Variants in FGGY observed in about 807,000 individuals in gnomAD.
FGGY encodes the protein FGGY carbohydrate kinase domain-containing protein.
In FGGY, 72 loss-of-function variants were observed where a neutral mutation model predicts 71.3. The ratio of observed to expected loss-of-function variants is 1.01; its 90% CI spans 0.84 to 1.23. The LOEUF (loss-of-function observed/expected upper bound fraction) is 1.23, where lower values mean the gene tolerates loss of function less well. Among genes scored for constraint, FGGY ranks in the 50% most tolerant of loss-of-function variants. The pLI is 0.00. For synonymous variants in FGGY, 251 were observed against 250.3 expected (o/e 1.00, Z -0.02); for missense variants, 668 against 682.3 (o/e 0.98, Z 0.23).
At chr1:59,300,505 A>G (rs1395601221) in intron 1 of FGGY, among the ~76,000 whole-genome samples, 2 of 152,202 alleles carry the variant, frequency 1.3e-5, no homozygotes, top group Non-Finnish European at 2.9e-5. Context: ...GGTTAAATAA[A>G]TGTTACCAAT....
At chr1:59,517,990 G>A (rs2094712732) in intron 7 of FGGY, among the ~76,000 whole-genome samples, 1 of 152,192 alleles carries the variant, frequency 6.6e-6, no homozygotes, top group Non-Finnish European at 1.5e-5. Context: ...ACATTACCAA[G>A]TTTCGGCCAA....
At chr1:59,601,455 A>G (rs80041548) in intron 8 of FGGY, among the ~76,000 whole-genome samples, 2,261 of 152,304 alleles carry the variant, frequency 0.015, 63 homozygotes, top group African/African-American at 0.053. Flanking sequence ...AGACAAAAAG[A>G]GAGGCAGGAG....
chr1:59,435,805 C>T (rs1232734029), intron 5 of FGGY, among the ~76,000 whole-genome samples: 1 of 150,456 alleles, frequency 6.6e-6, no homozygotes, highest in Admixed American at 6.6e-5. Flanking sequence ...GATGCCTCCA[C>T]TTGACTGTAA....
chr1:59,592,731 A>G (rs929573083), intron 8 of FGGY, among the ~76,000 whole-genome samples: 3 of 149,632 alleles, frequency 2.0e-5, no homozygotes, highest in African/African-American at 7.5e-5. Context: ...TGGGAATTGA[A>G]CAATGAGAAT....
chr1:59,661,318 A>G (rs1442793306), intron 12 of FGGY, among the ~76,000 whole-genome samples: 2 of 152,206 alleles, frequency 1.3e-5, no homozygotes, highest in African/African-American at 4.8e-5. Context: ...TAAAGAATGG[A>G]ACCTCCCAGA....
intron 7 of FGGY, among the ~76,000 whole-genome samples, chr1:59,530,737 C>T (rs1021942091): frequency 6.6e-6 from 1 of 152,070 alleles, no homozygotes; most frequent in African/African-American, 2.4e-5. Context: ...CATGAGGGTA[C>T]CCCTTTGGCT....
chr1:59,311,348 G>A (rs2044286119), intron 1 of FGGY, among the ~76,000 whole-genome samples: 1 of 151,832 alleles, frequency 6.6e-6, no homozygotes, highest in African/African-American at 2.4e-5. Context: ...GTGCCATGGT[G>A]ATTTACTGCA....
chr1:59,639,957 G>C (rs553178120), intron 11 of FGGY, among the ~76,000 whole-genome samples: 1 of 152,292 alleles, frequency 6.6e-6, no homozygotes, highest in South Asian at 2.1e-4. Context: ...CCCAAATGCA[G>C]AATGAAATTC....
intron 11 of FGGY, among the ~76,000 whole-genome samples, chr1:59,651,758 A>T (rs1235482287): frequency 1.3e-5 from 2 of 149,736 alleles, no homozygotes; most frequent in Non-Finnish European, 3.0e-5. Context: ...TTACATTTAA[A>T]CTTAATATTG....
intron 13 of FGGY, among the ~76,000 whole-genome samples, chr1:59,668,963 C>A (rs969163716): frequency 6.7e-6 from 1 of 148,318 alleles, no homozygotes; most frequent in African/African-American, 2.5e-5. Flanking sequence ...TGCACTCCAG[C>A]CTGGGCAACA....
intron 3 of FGGY, among the ~76,000 whole-genome samples, chr1:59,342,498 A>C (rs1192379539): frequency 6.6e-6 from 1 of 152,182 alleles, no homozygotes; most frequent in Non-Finnish European, 1.5e-5. Flanking sequence ...ACTTTATTCC[A>C]CCTAAAAGGT....
rs1031475766 is a variant in FGGY at position 59,691,245 on chromosome 1, T to G, written c.1512+17112T>G. 6.6e-5 allele frequency among the ~76,000 whole-genome samples: 10 copies of G among 152,200 alleles called. No individual in the cohort carries two copies. The East Asian group carries it at 9.6e-4, about 15-fold the overall frequency. ...ATATTATAATGTTTAATAATGATAC[T>G]TAATAATTCAATAATAAAGTAACTT... On this transcript the variant is annotated intron_variant, in intron 14 of 15. Coordinates refer to ENST00000303721, the MANE Select transcript of FGGY (RefSeq NM_018291.5).
chr1:59,390,107 C>A (rs1369719050), intron 5 of FGGY, among the ~76,000 whole-genome samples: 1 of 152,190 alleles, frequency 6.6e-6, no homozygotes, highest in East Asian at 1.9e-4. Context: ...CCTCTCTCAC[C>A]AGCTTATTTT....
chr1:59,734,505 G>A (rs936156912), intron 14 of FGGY, among the ~76,000 whole-genome samples: 5 of 152,050 alleles, frequency 3.3e-5, no homozygotes, highest in African/African-American at 9.7e-5. Context: ...GTCATTTTTC[G>A]TCCTTCCGTA....
At chr1:59,380,094 C>A (rs1424070629) in intron 5 of FGGY, among the ~76,000 whole-genome samples, 1 of 152,000 alleles carries the variant, frequency 6.6e-6, no homozygotes, top group Non-Finnish European at 1.5e-5. Context: ...TGGTTTCCAG[C>A]TTCATCCGTG....
intron 7 of FGGY, among the ~76,000 whole-genome samples, chr1:59,521,224 G>C (rs977589447): frequency 6.6e-6 from 1 of 152,138 alleles, no homozygotes; most frequent in African/African-American, 2.4e-5. Context: ...GGTTTAATGC[G>C]ACCCACTACT....
At chr1:59,637,765 A>G (rs1248294946) in intron 10 of FGGY, among the ~76,000 whole-genome samples, 1 of 152,104 alleles carries the variant, frequency 6.6e-6, no homozygotes, top group African/African-American at 2.4e-5. Flanking sequence ...CCATTTATCA[A>G]CTCATCATCA....
chr1:59,446,870 AAAT>A (rs1234906550), intron 5 of FGGY, among the ~76,000 whole-genome samples: 3 of 152,206 alleles, frequency 2.0e-5, no homozygotes, highest in African/African-American at 7.2e-5. Context: ...AGCTGCGTAT[AAAT>A]AATGCAGCAG....
At chr1:59,528,592 A>T (rs527890576) in intron 7 of FGGY, among the ~76,000 whole-genome samples, 50 of 152,206 alleles carry the variant, frequency 3.3e-4, no homozygotes, top group Non-Finnish European at 7.1e-4. Context: ...TTGTTGAAAG[A>T]TAAAGTGTTA....
Sources: allele counts gnomAD v4.1 joint callset (sites outside exome capture counted in the v4.1 genomes callset), GRCh38; gene constraint gnomAD v4.1.1; transcripts MANE v1.5; gene names NCBI Gene and HGNC (gene_info 2026-07-23, HGNC 2026-07-21).